The following SLC4A7 variants were observed in gnomAD, a reference collection of about 807,000 sequenced individuals.
The protein encoded by SLC4A7 is solute carrier family 4 member 7.
A neutral mutation model predicts 137.6 loss-of-function variants in SLC4A7; 51 were observed. The ratio of observed to expected loss-of-function variants is 0.37; its 90% confidence interval spans 0.30 to 0.47. SLC4A7 has a LOEUF of 0.47. SLC4A7 is among the 20% of genes least tolerant of loss of function. SLC4A7 has a pLI of 1.00. For synonymous variants in SLC4A7, 542 were observed against 518.6 expected (o/e 1.05, Z -0.61); for missense variants, 1,247 against 1,525.4 (o/e 0.82, Z 3.04).
chr3:27,455,184 G>A (rs967823024), intron 1 of SLC4A7, among the ~76,000 whole-genome samples: 3 of 152,108 alleles, frequency 2.0e-5, no homozygotes, highest in Non-Finnish European at 1.5e-5. Flanking sequence ...ATAGTAAGGA[G>A]ACAATCTCAT....
chr3:27,451,184 T>C (rs1202794952), intron 2 of SLC4A7, among the ~76,000 whole-genome samples: 1 of 151,968 alleles, frequency 6.6e-6, no homozygotes, highest in Non-Finnish European at 1.5e-5. Context: ...TCTTAGAATA[T>C]AAATGAAAAC....
intron 1 of SLC4A7, among the ~76,000 whole-genome samples, chr3:27,482,485 A>C (rs941416593): frequency 1.3e-5 from 2 of 152,190 alleles, no homozygotes; most frequent in African/African-American, 2.4e-5. Context: ...AAAGAATTAC[A>C]GAAGGCCAGG....
intron 1 of SLC4A7, among the ~76,000 whole-genome samples, chr3:27,476,242 T>C (rs1044539296): frequency 2.6e-5 from 4 of 152,224 alleles, no homozygotes; most frequent in African/African-American, 9.6e-5. Context: ...TGGTGCTTAA[T>C]ATTCACTTGC....
At chr3:27,394,826 A>C in intron 19 of SLC4A7, 57 bp from the exon 20 acceptor site, 1 of 1,573,480 alleles carries the variant, frequency 6.4e-7, no homozygotes, top group South Asian at 1.2e-5. Flanking sequence ...CTCAATTTAA[A>C]ATTCTACACG....
chr3:27,404,415 GCTGAATTCAAAGT>G (rs1360767769), intron 14 of SLC4A7, among the ~76,000 whole-genome samples: 2 of 152,104 alleles, frequency 1.3e-5, no homozygotes, highest in African/African-American at 4.8e-5. Flanking sequence ...TATTAGCCAT[GCTGAATTCAAAGT>G]CTAACAGCTA....
intron 7 of SLC4A7, among the ~76,000 whole-genome samples, chr3:27,426,089 C>G (rs1341597917): frequency 6.6e-6 from 1 of 152,176 alleles, no homozygotes; most frequent in Non-Finnish European, 1.5e-5. Flanking sequence ...CCAATGAATA[C>G]TGAAACTAAG....
intron 8 of SLC4A7, among the ~76,000 whole-genome samples, chr3:27,423,044 C>T (rs975485666): frequency 6.6e-6 from 1 of 152,170 alleles, no homozygotes; most frequent in Non-Finnish European, 1.5e-5. Context: ...AACATGAGCA[C>T]CAGTAAAATG....
intron 1 of SLC4A7, among the ~76,000 whole-genome samples, chr3:27,468,283 CTAAT>C (rs2059092451): frequency 1.3e-5 from 2 of 152,054 alleles, no homozygotes; most frequent in African/African-American, 2.4e-5. Flanking sequence ...ACAACAGCTA[CTAAT>C]TAATGACATA....
At chr3:27,433,857 AC>A (rs2056518539) in intron 6 of SLC4A7, 58 bp downstream of exon 6, 4 of 1,380,358 alleles carry the variant, frequency 2.9e-6, no homozygotes, top group Non-Finnish European at 4.1e-6. Flanking sequence ...ATCGTAACAT[AC>A]TGGAAAGCTG....
chr3:27,387,860 C>T (rs1179623426), intron 22 of SLC4A7, among the ~76,000 whole-genome samples: 2 of 152,178 alleles, frequency 1.3e-5, no homozygotes, highest in African/African-American at 4.8e-5. Context: ...CTGGAGGCTT[C>T]AGAAAGAGCA....
chr3:27,396,139 A>T (rs1385215269), intron 18 of SLC4A7, among the ~76,000 whole-genome samples: 1 of 152,206 alleles, frequency 6.6e-6, no homozygotes, highest in African/African-American at 2.4e-5. Context: ...TCTTCATGAA[A>T]ACATTTGTCA....
chr3:27,483,406 CAGG>C (rs1247258062), intron 1 of SLC4A7, among the ~76,000 whole-genome samples: 1 of 152,214 alleles, frequency 6.6e-6, no homozygotes, highest in African/African-American at 2.4e-5. Flanking sequence ...TGGCCTGCGG[CAGG>C]AGGATACTCC....
chr3:27,457,101 A>C (rs2058454518), intron 1 of SLC4A7: 1 of 200,618 alleles, frequency 5.0e-6, no homozygotes, highest in Admixed American at 6.5e-5. Flanking sequence ...GCTAGAAAAA[A>C]AAAAGAGTAG....
At chr3:27,452,083 G>C (rs954112827) in intron 2 of SLC4A7, among the ~76,000 whole-genome samples, 11 of 152,088 alleles carry the variant, frequency 7.2e-5, no homozygotes, top group Non-Finnish European at 1.3e-4. Flanking sequence ...AATGATAACT[G>C]TGGTTTATTA....
chr3:27,446,919 T>G (rs1169080244), intron 3 of SLC4A7, among the ~76,000 whole-genome samples: 1 of 144,494 alleles, frequency 6.9e-6, no homozygotes, highest in East Asian at 2.0e-4. Context: ...AGTCTCGCTC[T>G]GTCACCCAGG....
chr3:27,376,284 AAATAGAGAAGCCCTG>A lies in SLC4A7; in HGVS notation c.*465_*479del, dbSNP rs2049892476. On this transcript the variant is annotated 3_prime_UTR_variant, in exon 26 of 26. Transcript: ENST00000454389. ...ATGGACATCTACAGAAATGAAACAC[AAATAGAGAAGCCCTG>A]AAATGTTACCATTTTTCCCACAGCA... 2.0e-5 allele frequency: 3 copies of A among 152,236 alleles called. No individual in the cohort carries two copies. The highest frequency in any genetic ancestry group is 2.9e-5 in the Non-Finnish European group (2 of 68,060). 9.4% of individuals were successfully genotyped at this position (152,236 alleles called of 1,614,324 possible). A position where few individuals can be genotyped will look rare whatever the true frequency, so the allele number is the denominator to read the frequency against.
In SLC4A7 at chr3:27,484,074, G is replaced by C. The variant is rs1223909416; in HGVS notation, c.53C>G (p.Thr18Arg). ...CCGCCGCGGCGCCCTCACCCTGCTC[G>C]TTACCCGGGTGAGTAGCGGTCTCAT... Reference protein sequence around the residue: ...EQMRPLLTRVTSRGPDEEAVV... With the variant: ...EQMRPLLTRVRSRGPDEEAVV... Residue 18 changes from threonine to arginine, a missense_variant, in exon 1 of 26, where the codon ACG becomes AGG. Transcript: ENST00000454389. The C allele has an allele frequency of 7.1e-7, 1 of 1,408,338 alleles. No homozygotes were observed. Among genetic ancestry groups the C allele is most frequent in the Non-Finnish European group, 9.3e-7 (1 of 1,077,074 alleles). 87.2% of individuals were successfully genotyped at this position (1,408,338 alleles called of 1,614,324 possible).
chr3:27,446,914 C>T (rs1417680921), intron 3 of SLC4A7, among the ~76,000 whole-genome samples: 7 of 139,926 alleles, frequency 5.0e-5, no homozygotes, highest in African/African-American at 1.9e-4. Context: ...AACAGAGTCT[C>T]GCTCTGTCAC....
intron 1 of SLC4A7, among the ~76,000 whole-genome samples, chr3:27,456,305 T>C (rs544946814): frequency 6.6e-6 from 1 of 152,312 alleles, no homozygotes. Context: ...ATGAACCATA[T>C]GGAGTAAATT....
Sources: gnomAD v4.1 joint callset for allele counts (sites outside exome capture counted in the v4.1 genomes callset) on GRCh38, gnomAD v4.1.1 for gene constraint, MANE v1.5 for transcripts, NCBI Gene and HGNC (gene_info 2026-07-23, HGNC 2026-07-21) for gene names.